MTA3: variants seen among roughly 807,000 people sequenced by gnomAD.
The protein encoded by MTA3 is metastasis-associated protein MTA3.
Under a neutral mutation model 83.5 loss-of-function variants are expected in MTA3, and 34 were observed. That is an observed-to-expected ratio of 0.41 (90% confidence interval 0.31 to 0.54). MTA3 has a LOEUF of 0.54. Among genes scored for constraint, MTA3 ranks in the 20% least tolerant of loss-of-function variants. The probability of loss-of-function intolerance (pLI) is 0.33; values close to 1 mark genes in which losing one functional copy is unlikely to be tolerated. For missense variants in MTA3, 761 were observed against 726.4 expected (o/e 1.05, Z -0.55); for synonymous variants, 303 against 252.7 (o/e 1.20, Z -1.89).
At chr2:42,751,208 A>C (rs1669848494) in intron 16 of MTA3, among the ~76,000 whole-genome samples, 1 of 152,234 alleles carries the variant, frequency 6.6e-6, no homozygotes, top group Non-Finnish European at 1.5e-5. Context: ...ATGGACTTCA[A>C]GTACTTCTGA....
At chr2:42,678,372 C>T (rs1691571492) in intron 8 of MTA3, among the ~76,000 whole-genome samples, 1 of 152,146 alleles carries the variant, frequency 6.6e-6, no homozygotes, top group Non-Finnish European at 1.5e-5. Flanking sequence ...GATCCTCACT[C>T]TGCCGCCCAG....
At chr2:42,657,740 C>T (rs1240272621) in intron 7 of MTA3, among the ~76,000 whole-genome samples, 1 of 130,702 alleles carries the variant, frequency 7.7e-6, no homozygotes. Flanking sequence ...CAAACCTGGG[C>T]AATATAGTAA....
chr2:42,619,186 A>G (rs1685255166), intron 4 of MTA3, among the ~76,000 whole-genome samples: 1 of 152,232 alleles, frequency 6.6e-6, no homozygotes, highest in Non-Finnish European at 1.5e-5. Flanking sequence ...TAGTTGATAG[A>G]TGTGACTGAT....
chr2:42,733,422 A>G (rs1246635399), intron 16 of MTA3, among the ~76,000 whole-genome samples: 1 of 152,148 alleles, frequency 6.6e-6, no homozygotes, highest in African/African-American at 2.4e-5. Flanking sequence ...CTACCACAAC[A>G]TGTGGGAATT....
chr2:42,716,803 G>T (rs1421334688), intron 14 of MTA3, among the ~76,000 whole-genome samples: 1 of 152,126 alleles, frequency 6.6e-6, no homozygotes, highest in Non-Finnish European at 1.5e-5. Flanking sequence ...ATACATGCAT[G>T]TGTCTTTATG....
chr2:42,711,781 A>AGTGTGTGTGTGTGTGTGT (rs1328473255), intron 14 of MTA3, among the ~76,000 whole-genome samples: 4 of 148,440 alleles, frequency 2.7e-5, no homozygotes, highest in African/African-American at 1.0e-4. Flanking sequence ...GGAGAGAGAG[A>AGTGTGTGTGTGTGTGTGT]GAGTGTGTGT....
intron 4 of MTA3, among the ~76,000 whole-genome samples, chr2:42,615,162 G>A (rs561323541): frequency 6.6e-6 from 1 of 151,572 alleles, no homozygotes; most frequent in South Asian, 2.1e-4. Flanking sequence ...ATGGTGGCAC[G>A]TGCCTGTAAT....
chr2:42,503,015 C>G (rs966315344), intron 2 of MTA3, among the ~76,000 whole-genome samples: 3 of 151,722 alleles, frequency 2.0e-5, no homozygotes, highest in African/African-American at 7.3e-5. Flanking sequence ...GGGTCCTGAT[C>G]CAGACCCCAA....
intron 6 of MTA3, among the ~76,000 whole-genome samples, chr2:42,647,698 G>A (rs953335759): frequency 6.6e-6 from 1 of 152,018 alleles, no homozygotes; most frequent in Non-Finnish European, 1.5e-5. Context: ...CAGATTTATC[G>A]ATTTTATTGA....
At chr2:42,596,011 G>A (rs1558475078) in intron 3 of MTA3, among the ~76,000 whole-genome samples, 1 of 152,122 alleles carries the variant, frequency 6.6e-6, no homozygotes, top group Non-Finnish European at 1.5e-5. Context: ...ATACTAAAGA[G>A]AGAAGGGAAA....
intron 16 of MTA3, among the ~76,000 whole-genome samples, chr2:42,729,756 A>G (rs4952919): frequency 0.6 from 90,718 of 152,090 alleles, 28,771 homozygotes; most frequent in African/African-American, 0.81. Context: ...TTTTGTTCAG[A>G]ATAGCTTTGG....
chr2:42,686,329 T>A (rs1692360505), intron 9 of MTA3, among the ~76,000 whole-genome samples: 1 of 152,232 alleles, frequency 6.6e-6, no homozygotes, highest in African/African-American at 2.4e-5. Context: ...CACAGTAAAA[T>A]TCACTCCTTT....
Position 42,685,333 on chromosome 2 carries a change from T to C in MTA3, c.891+2744T>C, listed in dbSNP as rs143521872. Among the ~76,000 whole-genome samples, 404 of 152,314 alleles carry C rather than the reference T, an allele frequency of 2.7e-3. 2 individuals are homozygous for C. Among genetic ancestry groups the C allele is most frequent in the African/African-American group, 8.4e-3 (349 of 41,566 alleles). On this transcript the variant is annotated intron_variant, in intron 9 of 16. Coordinates refer to ENST00000405094, the MANE Select transcript of MTA3 (RefSeq NM_001330442.2). The stretch of plus-strand genomic sequence containing the variant: ...TAGCTTGTTTCAATAGAGAGCTTAT[T>C]GAAACATTAAGTACTAGGGAAGATG...
chr2:42,694,400 A>G (rs921170156), intron 9 of MTA3, among the ~76,000 whole-genome samples: 1 of 152,138 alleles, frequency 6.6e-6, no homozygotes, highest in African/African-American at 2.4e-5. Flanking sequence ...ACTTCAGCCC[A>G]TGGTCATGAG....
intron 16 of MTA3, 73 bp from the exon 17 acceptor site, chr2:42,753,301 T>G: frequency 6.5e-7 from 1 of 1,547,590 alleles, no homozygotes. Flanking sequence ...GAGGGGTGAG[T>G]CCATCCTCCC....
chr2:42,682,663 C>T, intron 9 of MTA3, 74 bp downstream of exon 9: 2 of 1,339,528 alleles, frequency 1.5e-6, no homozygotes, highest in East Asian at 2.5e-5. Flanking sequence ...GTAAACCTTA[C>T]AGTATTCATT....
At chr2:42,603,883 T>A (rs1276074256) in intron 3 of MTA3, among the ~76,000 whole-genome samples, 1 of 152,114 alleles carries the variant, frequency 6.6e-6, no homozygotes, top group Non-Finnish European at 1.5e-5. Flanking sequence ...CCCCACTACC[T>A]GGGACTACAG....
chr2:42,659,908 T>C (rs750259928), intron 8 of MTA3, 46 bp downstream of exon 8: 1 of 1,448,698 alleles, frequency 6.9e-7, no homozygotes, highest in Non-Finnish European at 9.4e-7. Context: ...CTTCTGTTAC[T>C]TGTTTAATTT....
At chr2:42,608,489 TA>T (rs1400636538) in intron 3 of MTA3, among the ~76,000 whole-genome samples, 2 of 152,234 alleles carry the variant, frequency 1.3e-5, no homozygotes, top group African/African-American at 4.8e-5. Context: ...AATTCAGTTT[TA>T]AAAGTTTGAA....
Sources: allele counts gnomAD v4.1 joint callset (sites outside exome capture counted in the v4.1 genomes callset), GRCh38; gene constraint gnomAD v4.1.1; transcripts MANE v1.5; gene names NCBI Gene and HGNC (gene_info 2026-07-23, HGNC 2026-07-21).